The following TENM3 variants were observed in gnomAD, a reference collection of about 807,000 sequenced individuals.
TENM3 encodes teneurin transmembrane protein 3.
A neutral mutation model predicts 255.1 loss-of-function variants in TENM3; 63 were observed. The ratio of observed to expected loss-of-function variants is 0.25; its 90% CI spans 0.20 to 0.30. The LOEUF (loss-of-function observed/expected upper bound fraction) is 0.30, where lower values mean the gene tolerates loss of function less well. TENM3 is among the 10% of genes least tolerant of loss of function. TENM3 has a pLI of 1.00. For synonymous variants in TENM3, 1,306 were observed against 1,322.3 expected, an observed-to-expected ratio of 0.99 and a Z score of 0.27; for missense variants, 2,929 against 3,461.1, an observed-to-expected ratio of 0.85 and a Z score of 3.86.
At chr4:181,721,458 G>T in the TENM3 span, among the ~76,000 whole-genome samples, 5 of 147,598 alleles carry the variant, frequency 3.4e-5, no homozygotes, top group Admixed American at 2.1e-4. Flanking sequence ...AAATTAGCCG[G>T]GTGTGGTGGC....
At chr4:181,784,557 C>A in the TENM3 span, among the ~76,000 whole-genome samples, 44 of 152,084 alleles carry the variant, frequency 2.9e-4, 1 homozygote, top group Admixed American at 2.9e-3. Context: ...TTATTCTAGC[C>A]TTTCCAACTG....
intron 3 of TENM3, among the ~76,000 whole-genome samples, chr4:182,429,297 C>T (rs1771458233): frequency 6.6e-6 from 1 of 152,116 alleles, no homozygotes; most frequent in Admixed American, 6.5e-5. Context: ...GATATAAAAA[C>T]TAACTTTAAT....
the TENM3 span, among the ~76,000 whole-genome samples, chr4:181,848,593 A>G: frequency 1.3e-5 from 2 of 152,164 alleles, no homozygotes. Flanking sequence ...ACAGATGTCA[A>G]TCATCAAATC....
At chr4:181,889,153 A>G in the TENM3 span, among the ~76,000 whole-genome samples, 9 of 152,134 alleles carry the variant, frequency 5.9e-5, no homozygotes, top group African/African-American at 2.2e-4. Context: ...CGTAATGCCC[A>G]GTGTTAGAGG....
chr4:182,499,842 T>G (rs997776444), intron 3 of TENM3, among the ~76,000 whole-genome samples: 6 of 152,164 alleles, frequency 3.9e-5, no homozygotes, highest in African/African-American at 1.4e-4. Context: ...TCCCAAAATC[T>G]ATTTTTTCTT....
At chr4:182,282,337 C>G (rs573650537) in intron 1 of TENM3, among the ~76,000 whole-genome samples, 20 of 152,066 alleles carry the variant, frequency 1.3e-4, no homozygotes, top group Non-Finnish European at 2.6e-4. Context: ...ATATCAAGTT[C>G]TGTGATTTCT....
intron 5 of TENM3, among the ~76,000 whole-genome samples, chr4:182,652,740 G>A (rs899975270): frequency 2.6e-5 from 4 of 152,016 alleles, no homozygotes; most frequent in Admixed American, 6.6e-5. Flanking sequence ...CCTCCATTGC[G>A]CTGGTAAATT....
the TENM3 span, among the ~76,000 whole-genome samples, chr4:181,461,403 G>A: frequency 2.6e-5 from 4 of 151,984 alleles, no homozygotes; most frequent in South Asian, 4.2e-4. Flanking sequence ...TTAATTTGAT[G>A]TGAGGGATTA....
chr4:182,335,443 C>T lies in TENM3; in HGVS notation c.232+11191C>T, dbSNP rs532773218. On this transcript the variant is annotated intron_variant, in intron 2 of 27. Transcript: ENST00000511685. ...CCGGGAGGCGGAGCTTGCAGTGAGCCGAGATCGCGCCACCGCACTCCAGCC... is the reference window on the plus strand; with the variant it reads ...CCGGGAGGCGGAGCTTGCAGTGAGCTGAGATCGCGCCACCGCACTCCAGCC... 3.6e-3 allele frequency among the ~76,000 whole-genome samples: 441 copies of T among 122,114 alleles called. 7 individuals carry two copies. The highest frequency in any genetic ancestry group is 0.011 in the African/African-American group (363 of 33,300). The allele number at this position is 122,114 out of a possible 152,430, so 80.1% of individuals were successfully genotyped here.
Position 182,287,623 on chromosome 4 carries a change from A to T in TENM3, c.-75-36323A>T, listed in dbSNP as rs549022106. On this transcript the variant is annotated intron_variant, in intron 1 of 27. Coordinates refer to ENST00000511685, the MANE Select transcript of TENM3 (RefSeq NM_001080477.4). ...CTTTTCATTTATTGTTTATTTATTTATTTTTTTTGAGACTGAGTCTCGCTC... is the reference window on the plus strand; with the variant it reads ...CTTTTCATTTATTGTTTATTTATTTTTTTTTTTTGAGACTGAGTCTCGCTC... 2.6e-3 allele frequency among the ~76,000 whole-genome samples: 371 copies of T among 144,226 alleles called. 2 individuals are homozygous for T. The highest frequency in any genetic ancestry group is 8.6e-3 in the African/African-American group (296 of 34,540). The allele number at this position is 144,226 out of a possible 152,430, so 94.6% of individuals were successfully genotyped here. A position where few individuals can be genotyped will look rare whatever the true frequency, so the allele number is the denominator to read the frequency against.
At chr4:182,361,041 A>G (rs1312728143) in intron 3 of TENM3, among the ~76,000 whole-genome samples, 1 of 152,182 alleles carries the variant, frequency 6.6e-6, no homozygotes, top group Non-Finnish European at 1.5e-5. Context: ...AGAATGTTTA[A>G]TATTGGCTCC....
the TENM3 span, among the ~76,000 whole-genome samples, chr4:181,770,056 C>T: frequency 1.3e-5 from 2 of 152,210 alleles, no homozygotes; most frequent in East Asian, 1.9e-4. Context: ...AACGGGGAAG[C>T]GGTAGAACCC....
At chr4:181,730,336 C>T in the TENM3 span, among the ~76,000 whole-genome samples, 9 of 152,166 alleles carry the variant, frequency 5.9e-5, no homozygotes, top group Non-Finnish European at 1.2e-4. Flanking sequence ...AGAAGGAACG[C>T]TTGCAATGCA....
At chr4:182,701,238 T>TTTTTTTTTTTTTTTTTTTA (rs1757846077) in intron 12 of TENM3, among the ~76,000 whole-genome samples, 1 of 115,148 alleles carries the variant, frequency 8.7e-6, no homozygotes, top group Non-Finnish European at 1.7e-5. Flanking sequence ...TTTTTTTTTT[T>TTTTTTTTTTTTTTTTTTTA]GAGACAGAGT....
At chr4:182,568,991 G>A (rs1174769218) in intron 3 of TENM3, among the ~76,000 whole-genome samples, 1 of 152,196 alleles carries the variant, frequency 6.6e-6, no homozygotes, top group Non-Finnish European at 1.5e-5. Context: ...GTAGTGGGGA[G>A]GAGGAAGGGA....
chr4:181,950,703 T>A, the TENM3 span, among the ~76,000 whole-genome samples: 1 of 152,128 alleles, frequency 6.6e-6, no homozygotes, highest in East Asian at 1.9e-4. Flanking sequence ...TGAATCCATT[T>A]TCTCAACATC....
chr4:182,096,060 G>A, the TENM3 span, among the ~76,000 whole-genome samples: 1 of 151,044 alleles, frequency 6.6e-6, no homozygotes, highest in Admixed American at 6.6e-5. Context: ...AGCTAGGGAG[G>A]TCAAGACGAC....
the TENM3 span, among the ~76,000 whole-genome samples, chr4:181,477,528 C>T: frequency 1.3e-5 from 2 of 152,002 alleles, no homozygotes; most frequent in African/African-American, 2.4e-5. Context: ...GGTTTGAATA[C>T]CCACAACTCT....
intron 3 of TENM3, among the ~76,000 whole-genome samples, chr4:182,432,764 G>A (rs1437222904): frequency 6.6e-6 from 1 of 151,858 alleles, no homozygotes; most frequent in African/African-American, 2.4e-5. Flanking sequence ...GATCTTACAG[G>A]CCCTACTAAG....
Sources: allele counts gnomAD v4.1 joint callset (sites outside exome capture counted in the v4.1 genomes callset), GRCh38; gene constraint gnomAD v4.1.1; transcripts MANE v1.5; gene names NCBI Gene and HGNC (gene_info 2026-07-23, HGNC 2026-07-21).